R3HCC1L: variants seen among roughly 807,000 people sequenced by gnomAD.
R3HCC1L encodes coiled-coil domain-containing protein R3HCC1L.
A neutral mutation model predicts 59.9 loss-of-function variants in R3HCC1L; 51 were observed. The ratio of observed to expected loss-of-function variants is 0.85; its 90% CI spans 0.68 to 1.07. The LOEUF is 1.07. R3HCC1L is among the 50% of genes least tolerant of loss of function. R3HCC1L has a pLI of 0.00. For synonymous variants in R3HCC1L, 322 were observed against 315.2 expected (o/e 1.02, Z -0.23); for missense variants, 965 against 933.0 (o/e 1.03, Z -0.45).
At position 98,209,061 on chromosome 10, in the gene R3HCC1L, C is replaced by G. The variant is rs755334551; in HGVS notation, c.947C>G (p.Ser316Cys). The change falls in exon 5 of 10, where the codon TCT becomes TGT. Residue 316 changes from serine to cysteine, a missense_variant. Physicochemically the swap from Ser to Cys is moderately radical, Grantham distance 112. Coordinates refer to ENST00000298999, the MANE Select transcript of R3HCC1L (RefSeq NM_001351015.2). ...ATTCCTGCAACTATGGGTCACATCT[C>G]TCTGTCAGAGAGCACAAATGACACT... ...DSIPATMGHI[S>C]LSESTNDTVS... 3 of 1,613,804 alleles carry G rather than the reference C, an allele frequency of 1.9e-6. No homozygotes were observed. Among genetic ancestry groups the G allele is most frequent in the South Asian group, 1.1e-5 (1 of 91,072 alleles).
intron 5 of R3HCC1L, among the ~76,000 whole-genome samples, chr10:98,229,975 C>T (rs1387757844): frequency 1.5e-4 from 23 of 152,104 alleles, no homozygotes; most frequent in Admixed American, 1.4e-3. Context: ...CTGCTGCATT[C>T]GGTTTGCCAG....
chr10:98,177,357 A>T (rs1004905889), intron 4 of R3HCC1L, among the ~76,000 whole-genome samples: 1 of 152,218 alleles, frequency 6.6e-6, no homozygotes, highest in South Asian at 2.1e-4. Flanking sequence ...AAAGGACATG[A>T]ACTCATCCTT....
At chr10:98,188,288 C>T (rs1184811390) in intron 4 of R3HCC1L, among the ~76,000 whole-genome samples, 1 of 152,174 alleles carries the variant, frequency 6.6e-6, no homozygotes, top group East Asian at 1.9e-4. Context: ...GATTGTTAGT[C>T]AGACAAGCTT....
At chr10:98,135,229 A>G (rs71486145) in intron 1 of R3HCC1L, among the ~76,000 whole-genome samples, 1,561 of 152,274 alleles carry the variant, frequency 0.01, 12 homozygotes, top group Non-Finnish European at 0.016. Flanking sequence ...GAAAAACCCC[A>G]AGTCCGATCT....
In R3HCC1L at chr10:98,209,828, G is replaced by A; in HGVS notation, c.1714G>A (p.Ala572Thr). 1 of 1,613,838 alleles carries A rather than the reference G, an allele frequency of 6.2e-7. No homozygotes were observed. ...TETSHTEGIT[A>T]IEESWESMFN... Reference sequence around the variant, plus strand: ...AACTTCTCACACAGAGGGAATTACTGCCATTGAGGAGAGCTGGGAGTCTAT... The same window carrying A: ...AACTTCTCACACAGAGGGAATTACTACCATTGAGGAGAGCTGGGAGTCTAT... The change falls in exon 5 of 10, where the codon GCC becomes ACC. Residue 572 changes from alanine (A) to threonine (T), a missense_variant. Coordinates refer to ENST00000298999, the MANE Select transcript of R3HCC1L (RefSeq NM_001351015.2).
intron 5 of R3HCC1L, among the ~76,000 whole-genome samples, chr10:98,227,520 AGAGAGAG>A (rs1855800339): frequency 1.3e-5 from 2 of 151,800 alleles, no homozygotes; most frequent in Non-Finnish European, 2.9e-5. Flanking sequence ...AGAGAGAGAG[AGAGAGAG>A]AAAAATATTA....
At chr10:98,221,991 T>C (rs1321742124) in intron 5 of R3HCC1L, among the ~76,000 whole-genome samples, 3 of 152,248 alleles carry the variant, frequency 2.0e-5, no homozygotes, top group Admixed American at 6.5e-5. Flanking sequence ...TTTCTCGATA[T>C]TGATTCTTCC....
chr10:98,235,939 A>G (rs1203052776), intron 8 of R3HCC1L, 85 bp from the exon 9 acceptor site: 6 of 1,410,512 alleles, frequency 4.3e-6, no homozygotes, highest in South Asian at 1.3e-5. Flanking sequence ...TCTATTTTGT[A>G]TGTTAATTAC....
chr10:98,184,340 G>C (rs771347416), intron 4 of R3HCC1L, among the ~76,000 whole-genome samples: 4 of 151,992 alleles, frequency 2.6e-5, no homozygotes, highest in African/African-American at 4.8e-5. Flanking sequence ...ATATGATGAT[G>C]GTCCCCTAAG....
At chr10:98,222,487 G>C (rs1481063809) in intron 5 of R3HCC1L, among the ~76,000 whole-genome samples, 5 of 151,916 alleles carry the variant, frequency 3.3e-5, no homozygotes, top group Non-Finnish European at 2.9e-5. Context: ...TCCAGTTTTT[G>C]CCCATTCAGT....
At chr10:98,157,894 T>C (rs1847036462) in intron 2 of R3HCC1L, among the ~76,000 whole-genome samples, 1 of 152,220 alleles carries the variant, frequency 6.6e-6, no homozygotes, top group Non-Finnish European at 1.5e-5. Context: ...ACTTCTGATA[T>C]GTGAAAGGTA....
chr10:98,173,973 T>G (rs1348338414), intron 4 of R3HCC1L, among the ~76,000 whole-genome samples: 5 of 152,208 alleles, frequency 3.3e-5, no homozygotes, highest in African/African-American at 7.2e-5. Flanking sequence ...GATAGGAATA[T>G]TGCCCACCTG....
At position 98,236,137 on chromosome 10, in the gene R3HCC1L, G is replaced by C; in HGVS notation, c.2242G>C (p.Glu748Gln). The C allele has an allele frequency of 6.2e-7, 1 of 1,613,870 alleles. No individual in the cohort carries two copies. Among genetic ancestry groups the C allele is most frequent in the Non-Finnish European group, 8.5e-7 (1 of 1,179,890 alleles). ...GCAGAGCAAAACCGAACGAGAAGCAGAGCTCAAGAAACTGCAAGAAGCCAG... is the reference window on the plus strand; with the variant it reads ...GCAGAGCAAAACCGAACGAGAAGCACAGCTCAAGAAACTGCAAGAAGCCAG... Reference protein sequence around the residue: ...SKQSKTEREAELKKLQEARER... With the variant: ...SKQSKTEREAQLKKLQEARER... The change falls in exon 9 of 10, where the codon GAG becomes CAG. Residue 748 changes from glutamate (E) to glutamine (Q), a missense_variant. Physicochemically the swap from Glu to Gln is conservative, Grantham distance 29. Coordinates refer to ENST00000298999, the MANE Select transcript of R3HCC1L (RefSeq NM_001351015.2).
At chr10:98,215,319 A>T (rs1418049416) in intron 5 of R3HCC1L, among the ~76,000 whole-genome samples, 1 of 152,218 alleles carries the variant, frequency 6.6e-6, no homozygotes, top group Non-Finnish European at 1.5e-5. Context: ...ATGAATTACT[A>T]AGATAGAAAA....
chr10:98,152,748 G>A lies in R3HCC1L; in HGVS notation c.-267-3345G>A, dbSNP rs1309227305. On this transcript the variant is annotated intron_variant, in intron 1 of 9. Coordinates refer to ENST00000298999, the MANE Select transcript of R3HCC1L (RefSeq NM_001351015.2). ...CGTCTGAGAAGTGAGGAGCCCCTCCGCCTGGCAGCCGCCCCGTCTGAGAAG... is the reference window on the plus strand; with the variant it reads ...CGTCTGAGAAGTGAGGAGCCCCTCCACCTGGCAGCCGCCCCGTCTGAGAAG... 7.2e-5 allele frequency among the ~76,000 whole-genome samples: 10 copies of A among 138,558 alleles called. 2 individuals carry two copies. The highest frequency in any genetic ancestry group is 2.1e-4 in the African/African-American group (8 of 37,584). The allele number at this position is 138,558 out of a possible 152,430, so 90.9% of individuals were successfully genotyped here.
chr10:98,147,015 A>G (rs1028944135), intron 1 of R3HCC1L, among the ~76,000 whole-genome samples: 1 of 152,118 alleles, frequency 6.6e-6, no homozygotes, highest in African/African-American at 2.4e-5. Flanking sequence ...ATTAATTTAC[A>G]TTCCCTCCAA....
intron 4 of R3HCC1L, among the ~76,000 whole-genome samples, chr10:98,201,304 G>A (rs1225766241): frequency 6.6e-6 from 1 of 152,178 alleles, no homozygotes; most frequent in Non-Finnish European, 1.5e-5. Flanking sequence ...GTCTGGTAGT[G>A]AATGCTTTAT....
At chr10:98,228,284 G>A (rs1174015995) in intron 5 of R3HCC1L, among the ~76,000 whole-genome samples, 2 of 152,178 alleles carry the variant, frequency 1.3e-5, no homozygotes, top group Non-Finnish European at 1.5e-5. Flanking sequence ...TCTAACTGGT[G>A]TGAGATGGTA....
chr10:98,183,975 G>GTTTTTTTTTTTTTTTTTTT (rs1849954252), intron 4 of R3HCC1L, among the ~76,000 whole-genome samples: 1 of 74,968 alleles, frequency 1.3e-5, no homozygotes, highest in African/African-American at 4.8e-5. Context: ...TTTTTTTTTG[G>GTTTTTTTTTTTTTTTTTTT]TTGAAATCTG....
Sources: gnomAD v4.1 joint callset for allele counts (sites outside exome capture counted in the v4.1 genomes callset) on GRCh38, gnomAD v4.1.1 for gene constraint, MANE v1.5 for transcripts, NCBI Gene and HGNC (gene_info 2026-07-23, HGNC 2026-07-21) for gene names.